Variants in CPNE3 observed in about 807,000 individuals in gnomAD.
CPNE3 encodes the protein copine-3.
In CPNE3, 68 loss-of-function variants were observed where a neutral mutation model predicts 63.9. The ratio of observed to expected loss-of-function variants is 1.06; its 90% CI spans 0.87 to 1.30. CPNE3 has a LOEUF of 1.30. Among genes scored for constraint, CPNE3 ranks in the 50% most tolerant of loss-of-function variants. CPNE3 has a pLI of 0.00. For synonymous variants in CPNE3, 219 were observed against 197.5 expected (o/e 1.11, Z -0.91); for missense variants, 665 against 578.1 (o/e 1.15, Z -1.54).
intron 7 of CPNE3, among the ~76,000 whole-genome samples, chr8:86,539,425 A>G (rs1343565682): frequency 6.6e-6 from 1 of 152,130 alleles, no homozygotes; most frequent in Non-Finnish European, 1.5e-5. Flanking sequence ...ACTGGATATC[A>G]TTGTTTTATG....
Position 86,547,703 on chromosome 8 carries a change from A to G in CPNE3, c.820-8A>G, listed in dbSNP as rs749015245. 8.6e-7 allele frequency: 1 copy of G among 1,161,388 alleles called. No homozygotes were observed. The highest frequency in any genetic ancestry group is 1.3e-5 in the South Asian group (1 of 78,742). 71.9% of individuals were successfully genotyped at this position (1,161,388 alleles called of 1,614,324 possible). A position where few individuals can be genotyped will look rare whatever the true frequency, so the allele number is the denominator to read the frequency against. Reference sequence around the variant, plus strand: ...GAGTTGTAATTTTAAGTTTTCTCTTATTTTTAGATTACAGTAGAATGCACA... The same window carrying G: ...GAGTTGTAATTTTAAGTTTTCTCTTGTTTTTAGATTACAGTAGAATGCACA... On this transcript the variant is annotated splice_polypyrimidine_tract_variant and splice_region_variant and intron_variant, in intron 10 of 16. Coordinates refer to ENST00000517490, the MANE Select transcript of CPNE3 (RefSeq NM_003909.5).
rs191170568 is a variant in CPNE3 at position 86,528,496 on chromosome 8, C to T, written c.-10-40C>T. 1.0e-5 allele frequency: 16 copies of T among 1,607,080 alleles called. No homozygotes were observed. In the Admixed American group the frequency reaches 2.8e-4, roughly 28 times the overall value. On this transcript the variant is annotated intron_variant, in intron 2 of 16. Coordinates refer to ENST00000517490, the MANE Select transcript of CPNE3 (RefSeq NM_003909.5). ...TAGGAATGAGTGTGCTTCTTAAAGG[C>T]ACTGTTTTACTTGCTTTCTCTTTTT... is the stretch of plus-strand genomic sequence containing the variant.
chr8:86,554,811 G>A (rs752797217), intron 14 of CPNE3, 40 bp from the exon 15 acceptor site: 98 of 1,605,308 alleles, frequency 6.1e-5, no homozygotes, highest in Non-Finnish European at 7.7e-5. Flanking sequence ...TTGTGCTTGA[G>A]AATTTTTAGT....
chr8:86,520,579 G>T (rs1195782722), intron 2 of CPNE3, among the ~76,000 whole-genome samples: 1 of 150,436 alleles, frequency 6.6e-6, no homozygotes, highest in Non-Finnish European at 1.5e-5. Context: ...TTTAACAGCT[G>T]AAAAAACCTG....
intron 2 of CPNE3, among the ~76,000 whole-genome samples, chr8:86,522,988 AT>A (rs1820468063): frequency 6.6e-6 from 1 of 152,204 alleles, no homozygotes; most frequent in Non-Finnish European, 1.5e-5. Context: ...AATCCCAAAA[AT>A]CATTATTGTT....
chr8:86,538,842 G>A (rs1211026564), intron 7 of CPNE3, among the ~76,000 whole-genome samples: 1 of 152,242 alleles, frequency 6.6e-6, no homozygotes. Context: ...TTAAGCTGGT[G>A]ACCGCCAGAT....
rs573352624 is a variant in CPNE3, at chr8:86,541,721, A to C, written c.633+1387A>C. Among the ~76,000 whole-genome samples, 299 of 151,578 alleles carry C rather than the reference A, an allele frequency of 2.0e-3. 1 individual carries two copies. The highest frequency in any genetic ancestry group is 4.3e-3 in the Admixed American group (66 of 15,236). On this transcript the variant is annotated intron_variant, in intron 8 of 16. Transcript: ENST00000517490. Reference sequence around the variant, plus strand: ...ACCGTGTCTTAAAAAAAAAAAAAAAAAAACTGCTTCATTACTGAGATCCAT... The same window carrying C: ...ACCGTGTCTTAAAAAAAAAAAAAAACAAACTGCTTCATTACTGAGATCCAT...
intron 12 of CPNE3, among the ~76,000 whole-genome samples, chr8:86,549,639 A>G (rs564349803): frequency 3.3e-5 from 5 of 152,336 alleles, no homozygotes; most frequent in East Asian, 1.9e-4. Flanking sequence ...CCCAAAAACA[A>G]AGTGGCTTTG....
chr8:86,540,199 G>T, intron 7 of CPNE3, 46 bp from the exon 8 acceptor site: 1 of 1,187,764 alleles, frequency 8.4e-7, no homozygotes, highest in South Asian at 1.2e-5. Flanking sequence ...AAATGTTAAT[G>T]AACTGGAAGT....
chr8:86,556,620 A>C (rs964239421), intron 16 of CPNE3, among the ~76,000 whole-genome samples: 3 of 152,226 alleles, frequency 2.0e-5, no homozygotes, highest in Non-Finnish European at 4.4e-5. Context: ...ATGTAACTGT[A>C]TGCCAAATCC....
In CPNE3 at chr8:86,548,368, C is replaced by G. The variant is rs555277149; in HGVS notation, c.947C>G (p.Pro316Arg). Residue 316 changes from proline to arginine, a missense_variant, in exon 12 of 17, where the codon CCC becomes CGC. Coordinates refer to ENST00000517490, the MANE Select transcript of CPNE3 (RefSeq NM_003909.5). ...CCAGACTCCCTTCATTACATCAGCC[C>G]CAATGGCGTTAATGAGTATTTGACT... ...RSPDSLHYIS[P>R]NGVNEYLTAL... The G allele has an allele frequency of 6.2e-7, 1 of 1,614,094 alleles. No individual in the cohort carries two copies. The highest frequency in any genetic ancestry group is 1.1e-5 in the South Asian group (1 of 91,082).
Position 86,522,456 on chromosome 8 carries a change from C to G in CPNE3, c.-10-6080C>G, listed in dbSNP as rs543428949. On this transcript the variant is annotated intron_variant, in intron 2 of 16. Coordinates refer to ENST00000517490, the MANE Select transcript of CPNE3 (RefSeq NM_003909.5). ...TAGCAAAATAATGGGTTTACAGTAA[C>G]CTGGTAATAAATACATTTGCTAGTC... Among the ~76,000 whole-genome samples, 236 of 150,476 alleles carry G rather than the reference C, an allele frequency of 1.6e-3. 1 individual carries two copies. The highest frequency in any genetic ancestry group is 2.4e-3 in the Non-Finnish European group (161 of 67,742).
intron 2 of CPNE3, among the ~76,000 whole-genome samples, chr8:86,519,661 A>G (rs1163179519): frequency 6.6e-6 from 1 of 152,226 alleles, no homozygotes; most frequent in Non-Finnish European, 1.5e-5. Flanking sequence ...AATTTTGAGC[A>G]AAGGTACCTA....
chr8:86,551,443 GC>G, intron 14 of CPNE3: 2 of 530,370 alleles, frequency 3.8e-6, no homozygotes, highest in Non-Finnish European at 6.6e-6. Context: ...TAATTACGGG[GC>G]AAATCAGTAT....
Position 86,551,097 on chromosome 8 carries a change from G to T in CPNE3, c.1065G>T (p.Trp355Cys), listed in dbSNP as rs777114948. The T allele has an allele frequency of 4.5e-5, 72 of 1,612,510 alleles. No individual in the cohort carries two copies. The highest frequency in any genetic ancestry group is 5.7e-5 in the Non-Finnish European group (67 of 1,179,226). The change falls in exon 13 of 17, where the codon TGG (tryptophan) becomes TGT (cysteine). Residue 355 changes from tryptophan (W) to cysteine (C), a missense_variant. Coordinates refer to ENST00000517490, the MANE Select transcript of CPNE3 (RefSeq NM_003909.5). Reference protein sequence around the residue: ...FGFGAQIPPQWQVSHEFPMNF... With the variant: ...FGFGAQIPPQCQVSHEFPMNF... ...TTGGCGCTCAGATACCTCCTCAGTG[G>T]CAGGTAAGAGGAAATCTCTATTTTA...
chr8:86,537,961 T>C (rs1175372906), intron 7 of CPNE3, among the ~76,000 whole-genome samples: 4 of 126,602 alleles, frequency 3.2e-5, no homozygotes, highest in African/African-American at 1.3e-4. Flanking sequence ...TCTCTGTCCC[T>C]CTCTGTCTCT....
intron 11 of CPNE3, 100 bp downstream of exon 11, chr8:86,547,870 T>G (rs371857989): frequency 1.4e-6 from 1 of 708,714 alleles, no homozygotes. Flanking sequence ...ATTTTCACAA[T>G]CTGTTTAGCA....
intron 4 of CPNE3, among the ~76,000 whole-genome samples, chr8:86,529,560 C>T (rs1412154349): frequency 6.6e-6 from 1 of 152,172 alleles, no homozygotes; most frequent in Non-Finnish European, 1.5e-5. Flanking sequence ...CCTTATTCCC[C>T]CTGATAAACC....
chr8:86,554,573 G>T (rs1821269574), intron 14 of CPNE3, among the ~76,000 whole-genome samples: 1 of 152,084 alleles, frequency 6.6e-6, no homozygotes, highest in Non-Finnish European at 1.5e-5. Context: ...TAAAAATTAA[G>T]CACAGATGTA....
Sources: gnomAD v4.1 joint callset for allele counts (sites outside exome capture counted in the v4.1 genomes callset) on GRCh38, gnomAD v4.1.1 for gene constraint, MANE v1.5 for transcripts, NCBI Gene and HGNC (gene_info 2026-07-23, HGNC 2026-07-21) for gene names.